Variants in SLC35F1 observed in about 807,000 individuals in gnomAD.
SLC35F1 encodes the protein solute carrier family 35 member F1.
Under a neutral mutation model 48.7 loss-of-function variants are expected in SLC35F1, and 14 were observed. The observed-to-expected ratio is 0.29, with a 90% CI of 0.19 to 0.45. SLC35F1 has a LOEUF of 0.45. Among genes scored for constraint, SLC35F1 ranks in the 20% least tolerant of loss-of-function variants. The pLI is 1.00. For synonymous variants in SLC35F1, 190 were observed against 202.2 expected, an observed-to-expected ratio of 0.94 and a Z score of 0.51; for missense variants, 404 against 500.0, an observed-to-expected ratio of 0.81 and a Z score of 1.83.
At chr6:118,093,451 A>G (rs377042067) in intron 1 of SLC35F1, among the ~76,000 whole-genome samples, 3 of 152,266 alleles carry the variant, frequency 2.0e-5, no homozygotes, top group African/African-American at 2.4e-5. Context: ...GGAGGGACCT[A>G]TGGGAGATAA....
intron 1 of SLC35F1, among the ~76,000 whole-genome samples, chr6:117,982,754 A>G (rs1160997967): frequency 6.6e-6 from 1 of 152,214 alleles, no homozygotes; most frequent in African/African-American, 2.4e-5. Context: ...AGCTTGAGGT[A>G]CTTCTACTCA....
chr6:118,045,806 G>GTA (rs1454951035), intron 1 of SLC35F1, among the ~76,000 whole-genome samples: 4 of 152,140 alleles, frequency 2.6e-5, no homozygotes. Context: ...GGATGCTATG[G>GTA]TATTCTCACA....
At chr6:118,169,809 A>C (rs945932406) in intron 2 of SLC35F1, among the ~76,000 whole-genome samples, 6 of 152,188 alleles carry the variant, frequency 3.9e-5, no homozygotes, top group African/African-American at 1.4e-4. Context: ...ATTATTTTCC[A>C]TTTCTATTGA....
intron 1 of SLC35F1, among the ~76,000 whole-genome samples, chr6:117,982,445 T>G (rs1776792383): frequency 6.6e-6 from 1 of 152,244 alleles, no homozygotes; most frequent in South Asian, 2.1e-4. Context: ...TTTTCCCTAA[T>G]CTTCATTCTT....
rs192438604 is a variant in SLC35F1 at position 118,097,913 on chromosome 6, G to T, written c.174-56532G>T. Among the ~76,000 whole-genome samples the T allele has an allele frequency of 5.9e-5, 9 of 152,256 alleles. No homozygotes were observed. The East Asian group carries it at 1.5e-3, about 26-fold the overall frequency. On this transcript the variant is annotated intron_variant, in intron 1 of 7. Transcript: ENST00000360388. ...GTTTTCTCACATCTAATTATAAATA[G>T]ATTTATTTCTTAAGCAGTATGTCTT...
intron 1 of SLC35F1, among the ~76,000 whole-genome samples, chr6:117,936,324 T>C (rs973245384): frequency 2.0e-5 from 3 of 151,550 alleles, no homozygotes; most frequent in Admixed American, 1.3e-4. Context: ...CTGCTATTGC[T>C]GTTGGGGGTT....
chr6:117,949,753 T>G (rs9387523), intron 1 of SLC35F1, among the ~76,000 whole-genome samples: 151,385 of 152,248 alleles, frequency 0.99, 75,269 homozygotes, highest in Middle Eastern at 1. Context: ...TACTGAGTGA[T>G]TTGCAAAGGG....
At chr6:118,112,631 G>A (rs1209970691) in intron 1 of SLC35F1, among the ~76,000 whole-genome samples, 2 of 152,102 alleles carry the variant, frequency 1.3e-5, no homozygotes, top group Non-Finnish European at 1.5e-5. Flanking sequence ...CTGTGAAGCA[G>A]TATGGTGGAA....
intron 1 of SLC35F1, among the ~76,000 whole-genome samples, chr6:118,034,425 G>T (rs1772098196): frequency 6.6e-6 from 1 of 152,038 alleles, no homozygotes; most frequent in African/African-American, 2.4e-5. Flanking sequence ...AGGCATTGTG[G>T]CACATGCCTG....
At position 118,027,456 on chromosome 6, in the gene SLC35F1, G is replaced by C. The variant is rs559130099; in HGVS notation, c.173+119557G>C. The stretch of plus-strand genomic sequence containing the variant: ...CCACATTCTCACCAATACTAGGTAT[G>C]GTCAGTCTTTTTAATTTTAGCCCTT... On this transcript the variant is annotated intron_variant, in intron 1 of 7. Transcript: ENST00000360388. Among the ~76,000 whole-genome samples the C allele has an allele frequency of 3.9e-5, 6 of 152,190 alleles. No homozygotes were observed. The South Asian group carries it at 1.0e-3, about 26-fold the overall frequency.
At chr6:118,002,637 G>A (rs1295106517) in intron 1 of SLC35F1, among the ~76,000 whole-genome samples, 1 of 151,584 alleles carries the variant, frequency 6.6e-6, no homozygotes, top group East Asian at 1.9e-4. Context: ...GATAAAAAAA[G>A]AATTTCTTTC....
intron 1 of SLC35F1, among the ~76,000 whole-genome samples, chr6:118,134,528 G>A (rs934927437): frequency 6.6e-6 from 1 of 152,202 alleles, no homozygotes; most frequent in African/African-American, 2.4e-5. Context: ...ATAGTGCTGA[G>A]TCCTAGAATA....
chr6:118,267,351 A>C (rs1775786665), intron 4 of SLC35F1, among the ~76,000 whole-genome samples, 197 bp downstream of exon 4: 1 of 152,238 alleles, frequency 6.6e-6, no homozygotes, highest in Admixed American at 6.5e-5. Context: ...TGAGTGCATG[A>C]GTTTGCAAAA....
At chr6:118,003,245 T>C (rs895148817) in intron 1 of SLC35F1, among the ~76,000 whole-genome samples, 1 of 152,252 alleles carries the variant, frequency 6.6e-6, no homozygotes, top group African/African-American at 2.4e-5. Context: ...AGTCCTCATG[T>C]GTACAGGCTT....
intron 1 of SLC35F1, among the ~76,000 whole-genome samples, chr6:118,106,512 T>G (rs1773329229): frequency 1.3e-5 from 2 of 152,322 alleles, no homozygotes; most frequent in South Asian, 4.1e-4. Flanking sequence ...AAGCTAAATC[T>G]GATCACTCCT....
In SLC35F1 at chr6:118,091,782, T is replaced by C. The variant is rs557139928; in HGVS notation, c.174-62663T>C. On this transcript the variant is annotated intron_variant, in intron 1 of 7. Transcript: ENST00000360388. ...AAGTTTGGAACTTCCTAGAGACTTG[T>C]TGAAAACCTTTGACCAAAATGCTGA... is the stretch of plus-strand genomic sequence containing the variant. Among the ~76,000 whole-genome samples the C allele has an allele frequency of 3.3e-5, 5 of 152,294 alleles. No homozygotes were observed. In the South Asian group the frequency reaches 1.0e-3, roughly 32 times the overall value.
chr6:118,235,261 A>C (rs752664932), intron 2 of SLC35F1, among the ~76,000 whole-genome samples: 2 of 152,138 alleles, frequency 1.3e-5, no homozygotes, highest in African/African-American at 4.8e-5. Context: ...GATGTTTTGC[A>C]TGGTAAGCTT....
chr6:118,192,934 G>C lies in SLC35F1; in HGVS notation c.349+38314G>C, dbSNP rs142732578. Among the ~76,000 whole-genome samples the C allele has an allele frequency of 2.6e-3, 391 of 152,172 alleles. 2 individuals carry two copies. Among genetic ancestry groups the C allele is most frequent in the Non-Finnish European group, 3.8e-3 (261 of 67,974 alleles). On this transcript the variant is annotated intron_variant, in intron 2 of 7. Coordinates refer to ENST00000360388, the MANE Select transcript of SLC35F1 (RefSeq NM_001029858.4). ...TTGAAACACTTGATATTATTAAACA[G>C]AATTCCAGGTTGCCATAAGTCATTC...
At chr6:118,007,023 A>G (rs1027188725) in intron 1 of SLC35F1, among the ~76,000 whole-genome samples, 1 of 132,712 alleles carries the variant, frequency 7.5e-6, no homozygotes, top group Non-Finnish European at 1.6e-5. Context: ...ATTTGACAAC[A>G]CATGTTGTTT....
Sources: gnomAD v4.1 joint callset for allele counts (sites outside exome capture counted in the v4.1 genomes callset) on GRCh38, gnomAD v4.1.1 for gene constraint, MANE v1.5 for transcripts, NCBI Gene and HGNC (gene_info 2026-07-23, HGNC 2026-07-21) for gene names.